Variants in CYTH3 observed in about 807,000 individuals in gnomAD.
CYTH3 encodes the protein cytohesin 3.
CYTH3 carries 23 observed loss-of-function variants against 55.1 expected under a neutral mutation model. The observed-to-expected ratio is 0.42, with a 90% CI of 0.30 to 0.59. The LOEUF (loss-of-function observed/expected upper bound fraction) is 0.59, where lower values mean the gene tolerates loss of function less well. Ranked by LOEUF, CYTH3 falls within the 20% of genes least tolerant of loss-of-function variation. The pLI is 0.20. For synonymous variants in CYTH3, 249 were observed against 194.9 expected (o/e 1.28, Z -2.31); for missense variants, 413 against 524.8 (o/e 0.79, Z 2.08).
intron 1 of CYTH3, among the ~76,000 whole-genome samples, chr7:6,261,976 T>C (rs921967781): frequency 4.0e-5 from 6 of 151,884 alleles, no homozygotes; most frequent in African/African-American, 1.2e-4. Flanking sequence ...AATAAAGCAG[T>C]TGACAAGATA....
chr7:6,260,231 G>T (rs994259626), intron 1 of CYTH3, among the ~76,000 whole-genome samples: 1 of 151,940 alleles, frequency 6.6e-6, no homozygotes, highest in Non-Finnish European at 1.5e-5. Context: ...ATTACAAGCT[G>T]ACAAACCCGC....
At chr7:6,271,240 C>A (rs1780643825) in intron 1 of CYTH3, among the ~76,000 whole-genome samples, 1 of 152,160 alleles carries the variant, frequency 6.6e-6, no homozygotes, top group Non-Finnish European at 1.5e-5. Context: ...ATGACGGGTG[C>A]CAACTTCCCA....
intron 9 of CYTH3, among the ~76,000 whole-genome samples, chr7:6,166,595 A>G (rs1783016973): frequency 6.6e-6 from 1 of 152,130 alleles, no homozygotes; most frequent in African/African-American, 2.4e-5. Flanking sequence ...CCTGGAGGCA[A>G]GACTGTGTGC....
intron 1 of CYTH3, among the ~76,000 whole-genome samples, chr7:6,228,742 C>T (rs1484436138): frequency 6.6e-6 from 1 of 152,168 alleles, no homozygotes; most frequent in African/African-American, 2.4e-5. Context: ...AAAAGGATTC[C>T]CTCACACTCA....
intron 2 of CYTH3, among the ~76,000 whole-genome samples, chr7:6,189,192 C>T (rs765401299): frequency 2.6e-5 from 4 of 152,220 alleles, no homozygotes; most frequent in African/African-American, 7.2e-5. Context: ...TCTCCCACGC[C>T]GAGACGGTGG....
Position 6,259,824 on chromosome 7 carries a change from ATATATATATTTTT to A in CYTH3, c.34+12637_34+12649del, listed in dbSNP as rs1780300250. ...ATATATATATATATAATATATATATATATATATATTTTTTTTTTTTTTTAAGACGGATTTTCGC... is the reference window on the plus strand; with the variant it reads ...ATATATATATATATAATATATATATATTTTTTTTTTAAGACGGATTTTCGC... On this transcript the variant is annotated intron_variant, in intron 1 of 12. Coordinates refer to ENST00000350796, the MANE Select transcript of CYTH3 (RefSeq NM_004227.4). 1.6e-4 allele frequency among the ~76,000 whole-genome samples: 4 copies of A among 24,252 alleles called. No homozygotes were observed. In the Admixed American group the frequency reaches 2.3e-3, roughly 14 times the overall value. The allele number at this position is 24,252 out of a possible 152,430, so 15.9% of individuals were successfully genotyped here. A position where few individuals can be genotyped will look rare whatever the true frequency, so the allele number is the denominator to read the frequency against.
At chr7:6,177,049 G>C (rs1480272495) in intron 5 of CYTH3, among the ~76,000 whole-genome samples, 1 of 151,642 alleles carries the variant, frequency 6.6e-6, no homozygotes, top group African/African-American at 2.4e-5. Flanking sequence ...TGCATGCATG[G>C]GGTAAGTCCC....
chr7:6,220,410 G>C (rs1433026976), intron 1 of CYTH3, among the ~76,000 whole-genome samples: 1 of 152,006 alleles, frequency 6.6e-6, no homozygotes, highest in Non-Finnish European at 1.5e-5. Context: ...AAATCTTTGA[G>C]AGCGAAGGCT....
In CYTH3 at chr7:6,170,767, G is replaced by A. The variant is rs180742553; in HGVS notation, c.711+63C>T. ...GGGAGGCGTGTCTAGAGCCGCGGGCGCTGCGGCCGCTCACAGCGAAGAGAT... is the reference window on the plus strand; with the variant it reads ...GGGAGGCGTGTCTAGAGCCGCGGGCACTGCGGCCGCTCACAGCGAAGAGAT... On this transcript the variant is annotated intron_variant, in intron 8 of 12. Coordinates refer to ENST00000350796, the MANE Select transcript of CYTH3 (RefSeq NM_004227.4). This position sits in a 1 kb window ranked among gnomAD's most constrained non-coding sequence, Gnocchi z 7.8. The A allele has an allele frequency of 6.2e-4, 976 of 1,572,082 alleles. 6 individuals are homozygous for A. The African/African-American group carries it at 0.012, about 19-fold the overall frequency.
At chr7:6,239,996 T>C (rs1464071711) in intron 1 of CYTH3, among the ~76,000 whole-genome samples, 1 of 152,198 alleles carries the variant, frequency 6.6e-6, no homozygotes, top group Non-Finnish European at 1.5e-5. Context: ...TTAATTTATA[T>C]ATTTAATGCA....
At chr7:6,256,564 A>G (rs1256749250) in intron 1 of CYTH3, among the ~76,000 whole-genome samples, 2 of 152,240 alleles carry the variant, frequency 1.3e-5, no homozygotes, top group South Asian at 2.1e-4. Context: ...AAGACATGCA[A>G]AGAGAGAAGC....
intron 1 of CYTH3, among the ~76,000 whole-genome samples, chr7:6,204,941 G>A (rs940626440): frequency 5.9e-5 from 9 of 151,974 alleles, no homozygotes; most frequent in African/African-American, 1.2e-4. Flanking sequence ...GAGGTGGGTG[G>A]ATCACTTGAG....
At position 6,255,762 on chromosome 7, in the gene CYTH3, T is replaced by TTG. The variant is rs1554254765; in HGVS notation, c.34+16711_34+16712insCA. Among the ~76,000 whole-genome samples the TTG allele has an allele frequency of 3.8e-3, 509 of 135,010 alleles. 9 individuals carry two copies. The highest frequency in any genetic ancestry group is 0.015 in the African/African-American group (491 of 33,166). 88.6% of individuals were successfully genotyped at this position (135,010 alleles called of 152,430 possible). On this transcript the variant is annotated intron_variant, in intron 1 of 12. Coordinates refer to ENST00000350796, the MANE Select transcript of CYTH3 (RefSeq NM_004227.4). ...CCCAAGTTTGACCTTTAATCTGTTT[T>TTG]TTTTTTTTTTTTTTTTTTTGAGATG...
At chr7:6,174,413 C>A (rs1783279160) in intron 5 of CYTH3, among the ~76,000 whole-genome samples, 1 of 152,120 alleles carries the variant, frequency 6.6e-6, no homozygotes, top group African/African-American at 2.4e-5. Context: ...CGGCACCTGC[C>A]TGCATCATTT....
intron 1 of CYTH3, among the ~76,000 whole-genome samples, chr7:6,235,239 G>A (rs1434421382): frequency 6.6e-6 from 1 of 152,212 alleles, no homozygotes; most frequent in Non-Finnish European, 1.5e-5. Context: ...ACTCTGGGAT[G>A]CCAAGGCGAG....
chr7:6,271,506 G>A lies in CYTH3; in HGVS notation c.34+968C>T, dbSNP rs1235859902. Among the ~76,000 whole-genome samples the A allele has an allele frequency of 2.0e-5, 3 of 151,672 alleles. No individual in the cohort carries two copies. In the East Asian group the frequency reaches 5.8e-4, roughly 29 times the overall value. Reference sequence around the variant, plus strand: ...TCAGGAAAAAAAAAAAAAGTCTAGAGAACCTCAACTTCGGCTGTTCCTGTA... The same window carrying A: ...TCAGGAAAAAAAAAAAAAGTCTAGAAAACCTCAACTTCGGCTGTTCCTGTA... On this transcript the variant is annotated intron_variant, in intron 1 of 12. Transcript: ENST00000350796.
rs969992442 is a variant in CYTH3 at position 6,182,224 on chromosome 7, A to G, written c.250-4283T>C. 2.1e-4 allele frequency among the ~76,000 whole-genome samples: 32 copies of G among 151,760 alleles called. 1 individual carries two copies. Among genetic ancestry groups the G allele is most frequent in the Non-Finnish European group, 5.9e-5 (4 of 67,952 alleles). On this transcript the variant is annotated intron_variant, in intron 4 of 12. Coordinates refer to ENST00000350796, the MANE Select transcript of CYTH3 (RefSeq NM_004227.4). Reference sequence around the variant, plus strand: ...TACCATACCCAGCTAATTTTTTTCTATTTTTAGTAGAGATGGGGTTTCACC... The same window carrying G: ...TACCATACCCAGCTAATTTTTTTCTGTTTTTAGTAGAGATGGGGTTTCACC...
intron 6 of CYTH3, chr7:6,172,593 C>T (rs1156508678): frequency 2.5e-5 from 14 of 556,264 alleles, no homozygotes; most frequent in Non-Finnish European, 3.3e-5. Flanking sequence ...CTCCATCAGG[C>T]CCTCTACGGG....
At chr7:6,197,613 G>T (rs1043094889) in intron 1 of CYTH3, among the ~76,000 whole-genome samples, 2 of 152,100 alleles carry the variant, frequency 1.3e-5, no homozygotes, top group African/African-American at 4.8e-5. Flanking sequence ...AACCCAAGAG[G>T]GGGAGATTGC....
Sources: gnomAD v4.1 joint callset for allele counts (sites outside exome capture counted in the v4.1 genomes callset) on GRCh38, gnomAD v4.1.1 for gene constraint, Gnocchi (gnomAD v3.1) non-coding constraint, MANE v1.5 for transcripts, NCBI Gene and HGNC (gene_info 2026-07-23, HGNC 2026-07-21) for gene names.